RTN3: variants seen among roughly 807,000 people sequenced by gnomAD.
RTN3 encodes reticulon 3, also known as reticulon-3.
In RTN3, 49 loss-of-function variants were observed where a neutral mutation model predicts 77.8. That is an observed-to-expected ratio of 0.63 (90% CI 0.50 to 0.80). The LOEUF is 0.80. Ranked by LOEUF, RTN3 falls within the 30% of genes least tolerant of loss-of-function variation. The pLI is 0.00. For synonymous variants in RTN3, 464 were observed against 446.9 expected (o/e 1.04, Z -0.48); for missense variants, 1,236 against 1,211.9 (o/e 1.02, Z -0.29).
chr11:63,748,036 C>A (rs940917824), intron 3 of RTN3, among the ~76,000 whole-genome samples: 1 of 151,792 alleles, frequency 6.6e-6, no homozygotes, highest in African/African-American at 2.4e-5. Context: ...ATGGCAGCCA[C>A]GTGCAGAGGC....
chr11:63,723,026 C>A (rs1464392443), intron 3 of RTN3, among the ~76,000 whole-genome samples: 1 of 152,174 alleles, frequency 6.6e-6, no homozygotes, highest in East Asian at 1.9e-4. Flanking sequence ...TCAGCATCTT[C>A]CTTTGTTAAT....
rs753924652 is a variant in RTN3 at position 63,719,361 on chromosome 11, A to G, written c.859A>G (p.Ile287Val). Residue 287 changes from isoleucine to valine, a missense_variant, in exon 3 of 9, where the codon ATT (isoleucine) becomes GTT (valine). By Grantham distance (29) the Ile-to-Val change is conservative. Transcript: ENST00000377819. ...CACTGATAAAGAATCATCCGAAGAC[A>G]TTTCAGAGACTAATGACAAGCTTTT... ...VHTDKESSEDISETNDKLFPL... is the reference protein window; with the variant it reads ...VHTDKESSEDVSETNDKLFPL... The G allele has an allele frequency of 1.7e-5, 27 of 1,614,096 alleles. No homozygotes were observed. The highest frequency in any genetic ancestry group is 2.2e-5 in the Non-Finnish European group (26 of 1,180,048).
At chr11:63,690,284 C>T (rs1210366547) in intron 1 of RTN3, among the ~76,000 whole-genome samples, 1 of 152,140 alleles carries the variant, frequency 6.6e-6, no homozygotes, top group Non-Finnish European at 1.5e-5. Context: ...CTTTATTTTA[C>T]GTATGAGATA....
intron 3 of RTN3, among the ~76,000 whole-genome samples, chr11:63,743,722 C>A (rs2013622552): frequency 6.6e-6 from 1 of 152,078 alleles, no homozygotes; most frequent in South Asian, 2.1e-4. Flanking sequence ...GGAGACCAGC[C>A]TGGCCAACAT....
chr11:63,729,485 T>C (rs1009209047), intron 3 of RTN3, among the ~76,000 whole-genome samples: 3 of 144,222 alleles, frequency 2.1e-5, no homozygotes, highest in African/African-American at 7.8e-5. Context: ...GATCTGGCTC[T>C]GTGGCTCTGT....
chr11:63,758,115 T>C (rs746129692), intron 8 of RTN3, 41 bp from the exon 9 acceptor site: 3 of 1,376,562 alleles, frequency 2.2e-6, no homozygotes, highest in Admixed American at 2.0e-5. Context: ...CAAATGCTAA[T>C]GTTTTCACTT....
intron 3 of RTN3, among the ~76,000 whole-genome samples, chr11:63,731,103 C>G (rs1034908926): frequency 6.6e-6 from 1 of 151,716 alleles, no homozygotes; most frequent in Non-Finnish European, 1.5e-5. Flanking sequence ...TTATTGGAGA[C>G]ACAGTTTCAC....
intron 1 of RTN3, among the ~76,000 whole-genome samples, chr11:63,703,647 A>G (rs941710108): frequency 4.7e-5 from 7 of 149,148 alleles, no homozygotes; most frequent in Admixed American, 1.4e-4. Flanking sequence ...GGTTCACGCC[A>G]TTCTCCTGCC....
At chr11:63,741,209 A>ATTT (rs1226706164) in intron 3 of RTN3, among the ~76,000 whole-genome samples, 1 of 142,028 alleles carries the variant, frequency 7.0e-6, no homozygotes, top group African/African-American at 2.8e-5. Flanking sequence ...TTATTTATTT[A>ATTT]TTTATTTTTT....
intron 1 of RTN3, among the ~76,000 whole-genome samples, chr11:63,702,606 G>A (rs772418414): frequency 2.0e-5 from 3 of 151,380 alleles, no homozygotes; most frequent in Non-Finnish European, 4.4e-5. Context: ...GAGCCACTGC[G>A]CCCGGCCGTC....
intron 1 of RTN3, among the ~76,000 whole-genome samples, chr11:63,692,497 G>T (rs1941714722): frequency 6.6e-6 from 1 of 150,880 alleles, no homozygotes; most frequent in Non-Finnish European, 1.5e-5. Flanking sequence ...GGTGGCTCAT[G>T]CCTGTAATCC....
intron 3 of RTN3, among the ~76,000 whole-genome samples, chr11:63,744,132 A>G (rs1243064747): frequency 2.0e-5 from 3 of 149,008 alleles, no homozygotes; most frequent in African/African-American, 7.4e-5. Context: ...AATGTCAGCT[A>G]CTCGAAGGCT....
intron 1 of RTN3, among the ~76,000 whole-genome samples, chr11:63,702,936 C>T (rs575095839): frequency 2.0e-5 from 3 of 151,980 alleles, no homozygotes; most frequent in African/African-American, 4.8e-5. Context: ...CTGCCTGCCT[C>T]GGCCTCCCAA....
intron 1 of RTN3, among the ~76,000 whole-genome samples, chr11:63,700,062 T>C (rs1347545984): frequency 6.6e-6 from 1 of 152,236 alleles, no homozygotes; most frequent in African/African-American, 2.4e-5. Context: ...AATTTGCATG[T>C]TGAAATTTTC....
chr11:63,682,842 GA>G (rs944772470), intron 1 of RTN3, among the ~76,000 whole-genome samples: 123 of 149,960 alleles, frequency 8.2e-4, no homozygotes, highest in Middle Eastern at 3.4e-3. Flanking sequence ...CTTAAGGGGG[GA>G]AAAAAAAACC....
At chr11:63,690,298 G>T (rs1941586974) in intron 1 of RTN3, among the ~76,000 whole-genome samples, 1 of 152,172 alleles carries the variant, frequency 6.6e-6, no homozygotes, top group South Asian at 2.1e-4. Context: ...TGAGATAGAA[G>T]TACTTGATTT....
chr11:63,720,285 G>A lies in RTN3; in HGVS notation c.1783G>A (p.Val595Met). 1 of 1,613,390 alleles carries A rather than the reference G, an allele frequency of 6.2e-7. No individual in the cohort carries two copies. Among genetic ancestry groups the A allele is most frequent in the Non-Finnish European group, 8.5e-7 (1 of 1,179,658 alleles). ...VPDTNVSLED[V>M]SEVAPEKPIT... ...CGATACGAATGTCTCCTTAGAAGAT[G>A]TGAGTGAAGTTGCTCCTGAAAAGCC... The change falls in exon 3 of 9, where the codon GTG (valine) becomes ATG (methionine). Residue 595 changes from valine (V) to methionine (M), a missense_variant. Physicochemically the swap from Val to Met is conservative, Grantham distance 21. Around this residue, in one of 3 missense-constraint regions of RTN3, gnomAD observed 1,056 missense variants for 990.4 expected, o/e 1.07. Transcript: ENST00000377819.
chr11:63,728,886 CAAAAAA>C (rs577443067), intron 3 of RTN3, among the ~76,000 whole-genome samples: 5 of 78,680 alleles, frequency 6.4e-5, no homozygotes, highest in African/African-American at 2.2e-4. Context: ...GACTCCGTCT[CAAAAAA>C]AAAAAAAAAA....
chr11:63,681,898 C>A, intron 1 of RTN3, 120 bp downstream of exon 1: 1 of 1,101,652 alleles, frequency 9.1e-7, no homozygotes, highest in Non-Finnish European at 1.2e-6. Flanking sequence ...ACGGCTTCAG[C>A]CCCCCGGGGA....
Sources: gnomAD v4.1 joint callset for allele counts (sites outside exome capture counted in the v4.1 genomes callset) on GRCh38, gnomAD v4.1.1 for gene constraint, gnomAD v4.1.1 regional missense constraint, MANE v1.5 for transcripts, NCBI Gene and HGNC (gene_info 2026-07-23, HGNC 2026-07-21) for gene names.